Variants in KAT7 observed in about 807,000 individuals in gnomAD.
The protein encoded by KAT7 is histone acetyltransferase KAT7.
KAT7 carries 10 observed loss-of-function variants against 82.1 expected under a neutral mutation model. The observed-to-expected ratio is 0.12, with a 90% CI of 0.08 to 0.21. The LOEUF (loss-of-function observed/expected upper bound fraction) is 0.21, where lower values mean the gene tolerates loss of function less well. KAT7 is among the 10% of genes least tolerant of loss of function. KAT7 has a pLI of 1.00. For synonymous variants in KAT7, 250 were observed against 262.5 expected (o/e 0.95, Z 0.46); for missense variants, 378 against 760.9 (o/e 0.50, Z 5.92).
At chr17:49,792,488 A>C (rs1222267567) in intron 2 of KAT7, among the ~76,000 whole-genome samples, 2 of 151,758 alleles carry the variant, frequency 1.3e-5, no homozygotes, top group Admixed American at 6.6e-5. Context: ...TTCAGTGGAA[A>C]CTTTTAGAAT....
intron 7 of KAT7, among the ~76,000 whole-genome samples, chr17:49,814,776 A>C (rs576128329): frequency 1.3e-5 from 2 of 152,268 alleles, no homozygotes; most frequent in African/African-American, 4.8e-5. Flanking sequence ...CCCAAATCTT[A>C]GATGATAGAG....
At position 49,805,406 on chromosome 17, in the gene KAT7, A is replaced by T; in HGVS notation, c.624A>T (p.Gly208=). 1 of 1,613,340 alleles carries T rather than the reference A, an allele frequency of 6.2e-7. No individual in the cohort carries two copies. Among genetic ancestry groups the T allele is most frequent in the Non-Finnish European group, 8.5e-7 (1 of 1,179,336 alleles). Residue 208 remains glycine, a synonymous_variant, in exon 5 of 15, where the codon GGA becomes GGT. Transcript: ENST00000259021. ...ATGAGAGACATTTCTCCATCTCAGG[A>T]TGCCCACTGTATCATAACCTCTCAG... ...GKHERHFSIS[G]CPLYHNLSAD...
chr17:49,795,632 A>G, intron 2 of KAT7: 1 of 244,798 alleles, frequency 4.1e-6, no homozygotes, highest in South Asian at 7.2e-5. Context: ...AAGAAAAGGG[A>G]CAAAAAGAAC....
At position 49,823,225 on chromosome 17, in the gene KAT7, C is replaced by T; in HGVS notation, c.1410C>T (p.Tyr470=). The T allele has an allele frequency of 6.3e-7, 1 of 1,598,772 alleles. No homozygotes were observed. ...AGGAAAAGAATTCATTCCTCAACTACAACGTCTCCTGTATCCTTACTATGC... is the reference window on the plus strand; with the variant it reads ...AGGAAAAGAATTCATTCCTCAACTATAACGTCTCCTGTATCCTTACTATGC... ...FSKEKNSFLN[Y]NVSCILTMPQ... is the part of the protein sequence containing the mutation. Residue 470 remains tyrosine (Y), a synonymous_variant, in exon 12 of 15, where the codon TAC becomes TAT. Transcript: ENST00000259021.
chr17:49,795,992 CAAA>C (rs1403334789), intron 2 of KAT7, among the ~76,000 whole-genome samples: 1 of 151,688 alleles, frequency 6.6e-6, no homozygotes, highest in Non-Finnish European at 1.5e-5. Flanking sequence ...AAAAAAAGCA[CAAA>C]AAAACTAAAA....
intron 9 of KAT7, among the ~76,000 whole-genome samples, 198 bp downstream of exon 9, chr17:49,818,209 A>G (rs1248927166): frequency 6.6e-6 from 1 of 152,202 alleles, no homozygotes; most frequent in Non-Finnish European, 1.5e-5. Flanking sequence ...GGTGCCACCC[A>G]AAGCAGCTGA....
rs1050735354 is a variant in KAT7, at chr17:49,805,266, A to G, written c.581-97A>G. 5.1e-6 allele frequency: 4 copies of G among 785,256 alleles called. No homozygotes were observed. The African/African-American group carries it at 6.9e-5, about 13-fold the overall frequency. 48.6% of individuals were successfully genotyped at this position (785,256 alleles called of 1,614,324 possible). Reference sequence around the variant, plus strand: ...AGTCTGATCAGACATATATTTGATAAAAATGATGTAGCAAAAAAACAGGTT... The same window carrying G: ...AGTCTGATCAGACATATATTTGATAGAAATGATGTAGCAAAAAAACAGGTT... On this transcript the variant is annotated intron_variant, in intron 4 of 14. Transcript: ENST00000259021.
intron 4 of KAT7, among the ~76,000 whole-genome samples, chr17:49,799,742 C>A (rs1314095066): frequency 6.6e-6 from 1 of 152,088 alleles, no homozygotes; most frequent in African/African-American, 2.4e-5. Flanking sequence ...TAGCTCACTG[C>A]AGCCTTAACT....
chr17:49,791,986 C>T lies in KAT7; in HGVS notation c.116C>T (p.Ser39Phe). The T allele has an allele frequency of 6.2e-7, 1 of 1,614,192 alleles. No homozygotes were observed. Among genetic ancestry groups the T allele is most frequent in the African/African-American group, 1.3e-5 (1 of 75,068 alleles). The change falls in exon 2 of 15, where the codon TCT (serine) becomes TTT (phenylalanine). Residue 39 changes from serine to phenylalanine, a missense_variant. This residue lies in a region of KAT7 where 161 missense variants were observed against 229.6 expected (regional missense o/e 0.70). Transcript: ENST00000259021. ...SSESDGTSRR[S>F]ARVTRSSARL... ...GAAAGTGATGGCACATCCCGACGAT[C>T]TGCTCGAGTCACCCGCTCCTCAGCC...
intron 5 of KAT7, among the ~76,000 whole-genome samples, 190 bp from the exon 6 acceptor site, chr17:49,808,929 G>A (rs2074127223): frequency 6.6e-6 from 1 of 152,190 alleles, no homozygotes; most frequent in Non-Finnish European, 1.5e-5. Context: ...CTCTGATCCT[G>A]TTATTGGCTG....
intron 4 of KAT7, among the ~76,000 whole-genome samples, chr17:49,805,041 AGT>A (rs2074074426): frequency 2.6e-5 from 4 of 152,200 alleles, no homozygotes; most frequent in Admixed American, 2.6e-4. Context: ...ACCAAAAGAA[AGT>A]GTTCCTGTTC....
Position 49,822,028 on chromosome 17 carries a change from T to C in KAT7, c.1386+238T>C, listed in dbSNP as rs2143973882. On this transcript the variant is annotated intron_variant, in intron 11 of 14. Coordinates refer to ENST00000259021, the MANE Select transcript of KAT7 (RefSeq NM_007067.5). ...TCTAGAATTGTGGACTGGAGCTGCCTATTAATAACTGGCCAGAGCCCTCCC... is the reference window on the plus strand; with the variant it reads ...TCTAGAATTGTGGACTGGAGCTGCCCATTAATAACTGGCCAGAGCCCTCCC... Among the ~76,000 whole-genome samples the C allele has an allele frequency of 2.6e-5, 4 of 152,264 alleles. 1 individual carries two copies. In the Middle Eastern group the frequency reaches 0.014, roughly 518 times the overall value.
chr17:49,826,923 G>A (rs1428892179), intron 14 of KAT7, 124 bp downstream of exon 14: 1 of 610,988 alleles, frequency 1.6e-6, no homozygotes, highest in East Asian at 2.9e-5. Context: ...CCCTTTTACT[G>A]GGTCTCATTT....
At chr17:49,815,160 T>C (rs2074218796) in intron 7 of KAT7, 2 of 152,248 alleles carry the variant, frequency 1.3e-5, no homozygotes, top group African/African-American at 4.8e-5. Flanking sequence ...TTGCTTAATA[T>C]TTAGTAAGTC....
intron 5 of KAT7, among the ~76,000 whole-genome samples, chr17:49,807,081 A>G (rs1322538001): frequency 1.3e-5 from 2 of 152,224 alleles, no homozygotes; most frequent in Non-Finnish European, 2.9e-5. Context: ...GTATTCAGTC[A>G]TATATTTCTG....
intron 1 of KAT7, among the ~76,000 whole-genome samples, chr17:49,790,550 A>C (rs565850952): frequency 6.6e-6 from 1 of 152,242 alleles, no homozygotes; most frequent in East Asian, 1.9e-4. Context: ...GGTGCCTTGA[A>C]ATAGGGCCAC....
chr17:49,805,919 C>T (rs2074086389), intron 5 of KAT7, among the ~76,000 whole-genome samples: 1 of 152,148 alleles, frequency 6.6e-6, no homozygotes, highest in African/African-American at 2.4e-5. Flanking sequence ...TCAGTCACAC[C>T]TACTTTTGGC....
chr17:49,793,761 T>A (rs1204499838), intron 2 of KAT7, among the ~76,000 whole-genome samples: 1 of 151,924 alleles, frequency 6.6e-6, no homozygotes, highest in Non-Finnish European at 1.5e-5. Flanking sequence ...TTAGTAGAGA[T>A]GGGGTTTCAC....
rs994539960 is a variant in KAT7 at position 49,833,206 on chromosome 17, G to T, written c.*5704G>T. ...AATGGAGAAAATAACCTGTACTATT[G>T]TACAACTCTGGCTCCATGGCTCCTC... On this transcript the variant is annotated 3_prime_UTR_variant, in exon 15 of 15. Coordinates refer to ENST00000259021, the MANE Select transcript of KAT7 (RefSeq NM_007067.5). 3.3e-5 allele frequency: 5 copies of T among 152,178 alleles called. No individual in the cohort carries two copies. Among genetic ancestry groups the T allele is most frequent in the Non-Finnish European group, 7.3e-5 (5 of 68,032 alleles). The allele number at this position is 152,178 out of a possible 1,614,324, so 9.4% of individuals were successfully genotyped here.
Sources: gnomAD v4.1 joint callset for allele counts (sites outside exome capture counted in the v4.1 genomes callset) on GRCh38, gnomAD v4.1.1 for gene constraint, gnomAD v4.1.1 regional missense constraint, MANE v1.5 for transcripts, NCBI Gene and HGNC (gene_info 2026-07-23, HGNC 2026-07-21) for gene names.